FOLH1: variants seen among roughly 807,000 people sequenced by gnomAD.
FOLH1 encodes glutamate carboxypeptidase 2.
In FOLH1, 54 loss-of-function variants were observed where a neutral mutation model predicts 93.9. That is an observed-to-expected ratio of 0.57 (90% CI 0.46 to 0.72). FOLH1 has a LOEUF of 0.72. Ranked by LOEUF, FOLH1 falls within the 30% of genes least tolerant of loss-of-function variation. FOLH1 has a pLI of 0.00. For synonymous variants in FOLH1, 249 were observed against 303.6 expected (o/e 0.82, Z 1.87); for missense variants, 571 against 892.5 (o/e 0.64, Z 4.59).
At chr11:49,175,039 G>T in intron 8 of FOLH1, 62 bp from the exon 9 acceptor site, 1 of 1,463,018 alleles carries the variant, frequency 6.8e-7, no homozygotes. Context: ...AACACTATAA[G>T]GTTTAAGGGA....
chr11:49,149,114 G>C (rs548337862), intron 17 of FOLH1, among the ~76,000 whole-genome samples: 2 of 152,134 alleles, frequency 1.3e-5, no homozygotes, highest in East Asian at 1.9e-4. Context: ...CCTGTCGTGG[G>C]GTGGGGTGAG....
intron 13 of FOLH1, among the ~76,000 whole-genome samples, chr11:49,163,843 G>T (rs1858052369): frequency 6.6e-6 from 1 of 152,004 alleles, no homozygotes; most frequent in Non-Finnish European, 1.5e-5. Context: ...GGTTCACAAG[G>T]GTATCTGCTG....
chr11:49,184,375 A>G (rs1453213948), intron 6 of FOLH1, among the ~76,000 whole-genome samples: 1 of 152,194 alleles, frequency 6.6e-6, no homozygotes, highest in Non-Finnish European at 1.5e-5. Flanking sequence ...CCATAGAAAT[A>G]ACATAATTTC....
chr11:49,199,498 A>G (rs2388205), intron 3 of FOLH1, among the ~76,000 whole-genome samples: 1 of 152,120 alleles, frequency 6.6e-6, no homozygotes, highest in Admixed American at 6.5e-5. Flanking sequence ...AACCTGATCA[A>G]TTGAGACATA....
chr11:49,160,971 T>G (rs1367106940), intron 13 of FOLH1, among the ~76,000 whole-genome samples: 2 of 152,200 alleles, frequency 1.3e-5, no homozygotes, highest in African/African-American at 4.8e-5. Flanking sequence ...CTCTTGATTT[T>G]GAATTTGCAC....
chr11:49,149,423 G>T (rs648728), intron 17 of FOLH1, among the ~76,000 whole-genome samples: 27,092 of 151,948 alleles, frequency 0.18, 2,780 homozygotes, highest in African/African-American at 0.27. Flanking sequence ...TGGGTTAGCT[G>T]CCCCCAGTAT....
intron 9 of FOLH1, among the ~76,000 whole-genome samples, chr11:49,174,470 A>G (rs1859753043): frequency 6.6e-6 from 1 of 152,196 alleles, no homozygotes. Flanking sequence ...AAACTATGAA[A>G]GGATTCATTA....
At chr11:49,156,016 C>T (rs1205796735) in intron 15 of FOLH1, among the ~76,000 whole-genome samples, 3 of 151,146 alleles carry the variant, frequency 2.0e-5, no homozygotes, top group African/African-American at 7.3e-5. Context: ...CTGCACTGCT[C>T]TCGTGATAGT....
chr11:49,151,203 G>A (rs1320749514), intron 17 of FOLH1, among the ~76,000 whole-genome samples: 1 of 152,184 alleles, frequency 6.6e-6, no homozygotes, highest in Non-Finnish European at 1.5e-5. Context: ...TAACATTTAT[G>A]TATTTGGCAT....
intron 12 of FOLH1, among the ~76,000 whole-genome samples, chr11:49,166,486 C>A (rs1172005759): frequency 1.3e-5 from 2 of 152,100 alleles, no homozygotes; most frequent in African/African-American, 4.8e-5. Flanking sequence ...GTGTAAAGCA[C>A]CTGAGATAGC....
chr11:49,207,952 CA>C (rs1864157345), intron 1 of FOLH1: 3 of 532,902 alleles, frequency 5.6e-6, no homozygotes, highest in East Asian at 9.0e-5. Context: ...AACAAACAAA[CA>C]AAACAAAACA....
Position 49,185,643 on chromosome 11 carries a change from A to G in FOLH1, c.826+26T>C, listed in dbSNP as rs3872571. On this transcript the variant is annotated intron_variant, in intron 6 of 18. Transcript: ENST00000256999. ...GTCTCTTTCAAATGTTAAGTTTCCT[A>G]TGATATTCAAGGATTGATCATTCAC... is the stretch of plus-strand genomic sequence containing the variant. 2.6e-5 allele frequency: 42 copies of G among 1,613,010 alleles called. No homozygotes were observed. The Middle Eastern group carries it at 9.9e-4, about 38-fold the overall frequency.
At chr11:49,155,299 A>G (rs1259088883) in intron 15 of FOLH1, among the ~76,000 whole-genome samples, 1 of 152,064 alleles carries the variant, frequency 6.6e-6, no homozygotes, top group Non-Finnish European at 1.5e-5. Context: ...AAATGTAGAC[A>G]ATATTAATAT....
At position 49,156,827 on chromosome 11, in the gene FOLH1, A is replaced by G. The variant is rs375953214; in HGVS notation, c.1533-20T>C. The G allele has an allele frequency of 2.9e-5, 47 of 1,609,834 alleles. No individual in the cohort carries two copies. In the African/African-American group the frequency reaches 5.8e-4, roughly 20 times the overall value. ...CTTATCCTTTTAGAGATAAAACAAC[A>G]GAATTATTTCAAAGTAATTTGTTCA... On this transcript the variant is annotated intron_variant, in intron 14 of 18. Coordinates refer to ENST00000256999, the MANE Select transcript of FOLH1 (RefSeq NM_004476.3).
chr11:49,157,189 G>A (rs1857126889), intron 14 of FOLH1, among the ~76,000 whole-genome samples: 1 of 151,744 alleles, frequency 6.6e-6, no homozygotes, highest in African/African-American at 2.4e-5. Flanking sequence ...TGTTGACATC[G>A]ATAAACTCAG....
chr11:49,164,481 A>G (rs1483857446), intron 13 of FOLH1, among the ~76,000 whole-genome samples: 3 of 152,230 alleles, frequency 2.0e-5, no homozygotes, highest in African/African-American at 7.2e-5. Flanking sequence ...TGGAGATGGT[A>G]GACATGATGC....
intron 13 of FOLH1, chr11:49,162,807 A>G (rs1245849165): frequency 6.7e-6 from 1 of 149,740 alleles, no homozygotes; most frequent in East Asian, 1.9e-4. Context: ...TTTTTTTTAA[A>G]CAGTCTAGCC....
intron 3 of FOLH1, among the ~76,000 whole-genome samples, chr11:49,195,135 C>T (rs959511353): frequency 3.3e-5 from 5 of 152,018 alleles, no homozygotes; most frequent in African/African-American, 4.8e-5. Context: ...AAACACAGAA[C>T]GTCTATAAAA....
At chr11:49,198,399 G>C (rs1407499867) in intron 3 of FOLH1, among the ~76,000 whole-genome samples, 1 of 151,480 alleles carries the variant, frequency 6.6e-6, no homozygotes, top group Non-Finnish European at 1.5e-5. Context: ...GGAGAATGGT[G>C]TGAACCCGGG....
Sources: gnomAD v4.1 joint callset for allele counts (sites outside exome capture counted in the v4.1 genomes callset) on GRCh38, gnomAD v4.1.1 for gene constraint, MANE v1.5 for transcripts, NCBI Gene and HGNC (gene_info 2026-07-23, HGNC 2026-07-21) for gene names.